The following ACSBG2 variants were observed in gnomAD, a reference collection of about 807,000 sequenced individuals.
ACSBG2 encodes acyl-CoA synthetase bubblegum family member 2.
In ACSBG2, 62 loss-of-function variants were observed where a neutral mutation model predicts 74.7. The ratio of observed to expected loss-of-function variants is 0.83; its 90% CI spans 0.68 to 1.03. The LOEUF (loss-of-function observed/expected upper bound fraction) is 1.03, where lower values mean the gene tolerates loss of function less well. Ranked by LOEUF, ACSBG2 falls within the 50% of genes least tolerant of loss-of-function variation. The probability of loss-of-function intolerance (pLI) is 0.00; values close to 1 mark genes in which losing one functional copy is unlikely to be tolerated. For missense variants in ACSBG2, 730 were observed against 817.6 expected, an observed-to-expected ratio of 0.89 and a Z score of 1.31; for synonymous variants, 309 against 294.1, an observed-to-expected ratio of 1.05 and a Z score of -0.52.
At position 6,158,440 on chromosome 19, in the gene ACSBG2, G is replaced by GTT. The variant is rs57823634; in HGVS notation, c.507+1903_507+1904dup. 6.2e-3 allele frequency among the ~76,000 whole-genome samples: 843 copies of GTT among 135,212 alleles called. 6 individuals are homozygous for GTT. Among genetic ancestry groups the GTT allele is most frequent in the African/African-American group, 0.021 (786 of 36,656 alleles). The allele number at this position is 135,212 out of a possible 152,430, so 88.7% of individuals were successfully genotyped here. A position where few individuals can be genotyped will look rare whatever the true frequency, so the allele number is the denominator to read the frequency against. ...CAGTGAAATTTAGCTGCTGTCTTAC[G>GTT]TTTTTTTTTTTTTTTCATTGTAGTG... On this transcript the variant is annotated intron_variant, in intron 5 of 14. Transcript: ENST00000588485.
In ACSBG2 at chr19:6,177,230, T is replaced by TCACGTGGATTGCAGGAGCAGTGA. The variant is rs780572412; in HGVS notation, c.743_765dup (p.Lys256ArgfsTer7). 5.0e-6 allele frequency: 8 copies of TCACGTGGATTGCAGGAGCAGTGA among 1,613,910 alleles called. No individual in the cohort carries two copies. Among genetic ancestry groups the TCACGTGGATTGCAGGAGCAGTGA allele is most frequent in the Non-Finnish European group, 6.8e-6 (8 of 1,179,978 alleles). On this transcript the variant is annotated frameshift_variant and splice_region_variant, in exon 8 of 15. Transcript: ENST00000588485. LOFTEE classifies it high-confidence loss of function. ...CTTGGATTGTCCCTTATGTTACAGA[T>TCACGTGGATTGCAGGAGCAGTGA]CACGTGGATTGCAGGAGCAGTGACA...
Position 6,163,453 on chromosome 19 carries a change from A to C in ACSBG2, c.588+2158A>C, listed in dbSNP as rs1433963751. ...GAAAGAGCGAGACTCCATCTAAAAA[A>C]AAAAAGGCTGGGTGTGGTGGCTCAT... is the stretch of plus-strand genomic sequence containing the variant. On this transcript the variant is annotated intron_variant, in intron 6 of 14. Transcript: ENST00000588485. Among the ~76,000 whole-genome samples, 4 of 118,628 alleles carry C rather than the reference A, an allele frequency of 3.4e-5. 2 individuals carry two copies. The Admixed American group carries it at 4.0e-4, about 12-fold the overall frequency. 77.8% of individuals were successfully genotyped at this position (118,628 alleles called of 152,430 possible).
Position 6,187,267 on chromosome 19 carries a change from C to T in ACSBG2, c.1541-16C>T. 6.2e-7 allele frequency: 1 copy of T among 1,613,830 alleles called. No individual in the cohort carries two copies. Reference sequence around the variant, plus strand: ...TTGTCATGGCTGGACATGTACCAAGCCAAGCTCTGTTCCAGAAATCCTTAT... The same window carrying T: ...TTGTCATGGCTGGACATGTACCAAGTCAAGCTCTGTTCCAGAAATCCTTAT... On this transcript the variant is annotated splice_polypyrimidine_tract_variant and intron_variant, in intron 11 of 14. Coordinates refer to ENST00000588485, the MANE Select transcript of ACSBG2 (RefSeq NM_030924.5).
chr19:6,141,833 A>G (rs2088852058), intron 2 of ACSBG2, among the ~76,000 whole-genome samples: 1 of 151,512 alleles, frequency 6.6e-6, no homozygotes, highest in Admixed American at 6.6e-5. Context: ...TTCCAGGCTC[A>G]AGTGATCCTC....
In ACSBG2 at chr19:6,151,763, G is replaced by T; in HGVS notation, c.354G>T (p.Trp118Cys). The change falls in exon 4 of 15, where the codon TGG becomes TGT. Residue 118 changes from tryptophan to cysteine, a missense_variant. By Grantham distance (215) the Trp-to-Cys change is radical. Transcript: ENST00000588485. ...TCCTGGGGTTTAACTCTGCAGAGTGGTTTATCACTGCTGTTGGTGCCATCC... is the reference window on the plus strand; with the variant it reads ...TCCTGGGGTTTAACTCTGCAGAGTGTTTTATCACTGCTGTTGGTGCCATCC... ...VGILGFNSAE[W>C]FITAVGAILA... is the part of the protein sequence containing the mutation. The T allele has an allele frequency of 6.2e-7, 1 of 1,602,082 alleles. No homozygotes were observed. Among genetic ancestry groups the T allele is most frequent in the East Asian group, 2.2e-5 (1 of 44,726 alleles).
chr19:6,156,565 C>T lies in ACSBG2; in HGVS notation c.507+14C>T. 1 of 1,534,150 alleles carries T rather than the reference C, an allele frequency of 6.5e-7. No individual in the cohort carries two copies. Among genetic ancestry groups the T allele is most frequent in the Non-Finnish European group, 8.8e-7 (1 of 1,139,910 alleles). On this transcript the variant is annotated intron_variant, in intron 5 of 14. Transcript: ENST00000588485. ...AAAATCCTTTCGGTAAACCCCTACC[C>T]AGCACTGCCTGCCAAAGTCACCCAG...
At chr19:6,182,673 T>C (rs1216629297) in intron 8 of ACSBG2, 78 bp from the exon 9 acceptor site, 6 of 1,400,764 alleles carry the variant, frequency 4.3e-6, no homozygotes, top group Non-Finnish European at 5.9e-6. Context: ...TTGGGCAAAG[T>C]TGGGTGGATC....
intron 7 of ACSBG2, among the ~76,000 whole-genome samples, chr19:6,170,660 G>C (rs565792544): frequency 6.6e-6 from 1 of 152,084 alleles, no homozygotes; most frequent in South Asian, 2.1e-4. Flanking sequence ...TTGTGGCCTA[G>C]CATGTGGTTA....
intron 13 of ACSBG2, 98 bp downstream of exon 13, chr19:6,187,943 A>G (rs1284622828): frequency 6.6e-6 from 10 of 1,525,696 alleles, no homozygotes; most frequent in East Asian, 2.3e-5. Context: ...CAGAGGGTCT[A>G]TGAAACCAGC....
rs1412819158 is a variant in ACSBG2 at position 6,192,801 on chromosome 19, G to A, written c.*169G>A. The A allele has an allele frequency of 6.6e-6, 1 of 152,160 alleles. No homozygotes were observed. The highest frequency in any genetic ancestry group is 1.5e-5 in the Non-Finnish European group (1 of 68,030). 9.4% of individuals were successfully genotyped at this position (152,160 alleles called of 1,614,324 possible). A position where few individuals can be genotyped will look rare whatever the true frequency, so the allele number is the denominator to read the frequency against. On this transcript the variant is annotated 3_prime_UTR_variant, in exon 15 of 15. Transcript: ENST00000588485. ...TCGTCTGTTGGAGAGGTGCTCCCTA[G>A]AAGAACCTGCCATACGTTTCAAAGC...
intron 11 of ACSBG2, among the ~76,000 whole-genome samples, chr19:6,186,681 C>A (rs1004657555): frequency 4.6e-5 from 7 of 152,130 alleles, no homozygotes; most frequent in South Asian, 4.1e-4. Flanking sequence ...TTTTAAAATT[C>A]TTTTCTTGAG....
At chr19:6,171,007 A>C (rs553623552) in intron 7 of ACSBG2, among the ~76,000 whole-genome samples, 1 of 151,852 alleles carries the variant, frequency 6.6e-6, no homozygotes, top group South Asian at 2.1e-4. Context: ...ATTAGTTTAC[A>C]ATCTGTTTTA....
At chr19:6,151,055 A>G (rs2089221257) in intron 3 of ACSBG2, among the ~76,000 whole-genome samples, 2 of 150,864 alleles carry the variant, frequency 1.3e-5, no homozygotes, top group Non-Finnish European at 3.0e-5. Context: ...CGGAGGTTGC[A>G]GTGAGCCGAG....
intron 5 of ACSBG2, among the ~76,000 whole-genome samples, chr19:6,157,988 T>C (rs192585683): frequency 7.6e-4 from 115 of 152,278 alleles, no homozygotes; most frequent in Middle Eastern, 3.4e-3. Flanking sequence ...TGTTCTTCCT[T>C]TCTAGCTGTG....
In ACSBG2 at chr19:6,156,423, T is replaced by A. The variant is rs2089421213; in HGVS notation, c.387-8T>A. On this transcript the variant is annotated splice_region_variant and splice_polypyrimidine_tract_variant and intron_variant, in intron 4 of 14. Coordinates refer to ENST00000588485, the MANE Select transcript of ACSBG2 (RefSeq NM_030924.5). Reference sequence around the variant, plus strand: ...GGATGCACACACGAATTTGTTTTCTTTTCCCAGGGGTCTTTGTGTTGGTAT... The same window carrying A: ...GGATGCACACACGAATTTGTTTTCTATTCCCAGGGGTCTTTGTGTTGGTAT... The A allele has an allele frequency of 6.3e-7, 1 of 1,587,910 alleles. No homozygotes were observed. The highest frequency in any genetic ancestry group is 1.4e-5 in the African/African-American group (1 of 73,292).
intron 3 of ACSBG2, among the ~76,000 whole-genome samples, chr19:6,150,000 T>C (rs1377045815): frequency 6.6e-6 from 1 of 151,462 alleles, no homozygotes; most frequent in Non-Finnish European, 1.5e-5. Flanking sequence ...CTCGGGAGGG[T>C]GAGGCGGGAG....
chr19:6,156,924 C>T (rs980263335), intron 5 of ACSBG2, among the ~76,000 whole-genome samples: 5 of 151,492 alleles, frequency 3.3e-5, no homozygotes, highest in South Asian at 2.1e-4. Flanking sequence ...GCTGGGACTA[C>T]GAGCGTGTAC....
chr19:6,164,325 C>A (rs575578749), intron 6 of ACSBG2, among the ~76,000 whole-genome samples: 2 of 152,256 alleles, frequency 1.3e-5, no homozygotes, highest in Non-Finnish European at 2.9e-5. Context: ...CCTTGCCCTA[C>A]CTTGTTACAG....
chr19:6,179,324 A>T, intron 8 of ACSBG2, among the ~76,000 whole-genome samples: 1 of 144,622 alleles, frequency 6.9e-6, no homozygotes. Context: ...TTTAGAGACA[A>T]GGTCGTGCTC....
Sources: gnomAD v4.1 joint callset for allele counts (sites outside exome capture counted in the v4.1 genomes callset) on GRCh38, gnomAD v4.1.1 for gene constraint, MANE v1.5 for transcripts, NCBI Gene and HGNC (gene_info 2026-07-23, HGNC 2026-07-21) for gene names.